KCTD16: variants seen among roughly 807,000 people sequenced by gnomAD.
KCTD16 encodes potassium channel tetramerization domain containing 16.
Under a neutral mutation model 33.2 loss-of-function variants are expected in KCTD16, and 13 were observed. The ratio of observed to expected loss-of-function variants is 0.39; its 90% confidence interval spans 0.25 to 0.62. The LOEUF is 0.62. Among genes scored for constraint, KCTD16 ranks in the 20% least tolerant of loss-of-function variants. The pLI, the probability that KCTD16 is intolerant of heterozygous loss-of-function variation, is 0.50. For synonymous variants in KCTD16, 197 were observed against 195.3 expected, an observed-to-expected ratio of 1.01 and a Z score of -0.07; for missense variants, 441 against 525.1, an observed-to-expected ratio of 0.84 and a Z score of 1.57.
chr5:144,403,428 C>T lies in KCTD16; in HGVS notation c.833-70232C>T, dbSNP rs1054091126. 4.0e-5 allele frequency among the ~76,000 whole-genome samples: 6 copies of T among 151,782 alleles called. No homozygotes were observed. The East Asian group carries it at 1.2e-3, about 29-fold the overall frequency. ...CCCTGTGAAGACACATAGACAGAAG[C>T]GACACACAGAGAGCAGCATGTGACA... On this transcript the variant is annotated intron_variant, in intron 3 of 3. Transcript: ENST00000512467.
chr5:144,455,024 T>A (rs2126987653), intron 3 of KCTD16, among the ~76,000 whole-genome samples: 1 of 152,162 alleles, frequency 6.6e-6, no homozygotes, highest in Non-Finnish European at 1.5e-5. Context: ...ATATCAGGGA[T>A]CTTAAGCTTT....
At chr5:144,190,365 A>T (rs1479575780) in intron 2 of KCTD16, among the ~76,000 whole-genome samples, 1 of 152,160 alleles carries the variant, frequency 6.6e-6, no homozygotes, top group Non-Finnish European at 1.5e-5. Context: ...TACTTGACTT[A>T]TCTGAACCTT....
intron 3 of KCTD16, among the ~76,000 whole-genome samples, chr5:144,459,584 A>G (rs1284230950): frequency 1.3e-5 from 2 of 152,040 alleles, no homozygotes; most frequent in Non-Finnish European, 2.9e-5. Flanking sequence ...TCCTGACCTC[A>G]GGTGATCTGC....
intron 3 of KCTD16, among the ~76,000 whole-genome samples, chr5:144,212,470 C>T (rs1276232339): frequency 6.6e-6 from 1 of 152,028 alleles, no homozygotes; most frequent in Non-Finnish European, 1.5e-5. Flanking sequence ...TGTTCTGATA[C>T]ATTAAAATAT....
At chr5:144,225,243 T>C (rs538122691) in intron 3 of KCTD16, among the ~76,000 whole-genome samples, 24 of 152,216 alleles carry the variant, frequency 1.6e-4, no homozygotes, top group African/African-American at 5.8e-4. Flanking sequence ...TTTTCTTCTT[T>C]TCCTCTTCAA....
chr5:144,373,897 G>A (rs1315994713), intron 3 of KCTD16, among the ~76,000 whole-genome samples: 8 of 152,304 alleles, frequency 5.3e-5, no homozygotes, highest in South Asian at 2.1e-4. Flanking sequence ...AGCCACAGGC[G>A]TCATGGCTTA....
At chr5:144,440,477 C>T (rs571134478) in intron 3 of KCTD16, among the ~76,000 whole-genome samples, 7 of 152,226 alleles carry the variant, frequency 4.6e-5, no homozygotes, top group African/African-American at 1.7e-4. Flanking sequence ...TTCACATCCT[C>T]ATTAGTACTT....
chr5:144,223,128 C>T (rs964793571), intron 3 of KCTD16, among the ~76,000 whole-genome samples: 1 of 152,108 alleles, frequency 6.6e-6, no homozygotes, highest in African/African-American at 2.4e-5. Context: ...GAACATCACA[C>T]ACCAGGGTCT....
At chr5:144,413,205 C>T (rs1419179083) in intron 3 of KCTD16, among the ~76,000 whole-genome samples, 4 of 152,144 alleles carry the variant, frequency 2.6e-5, no homozygotes, top group African/African-American at 9.7e-5. Flanking sequence ...GGGTCCTAAT[C>T]CAATATGACT....
chr5:144,452,920 A>G (rs1455147822), intron 3 of KCTD16, among the ~76,000 whole-genome samples: 2 of 152,176 alleles, frequency 1.3e-5, no homozygotes, highest in Non-Finnish European at 2.9e-5. Context: ...TTGAGAAACA[A>G]TACGGGTACC....
intron 3 of KCTD16, among the ~76,000 whole-genome samples, chr5:144,265,617 A>G (rs140456929): frequency 6.6e-6 from 1 of 152,330 alleles, no homozygotes; most frequent in African/African-American, 2.4e-5. Context: ...TGTATCTTCT[A>G]TGCCCAAAAC....
chr5:144,340,885 A>G (rs1361856824), intron 3 of KCTD16, among the ~76,000 whole-genome samples: 1 of 152,012 alleles, frequency 6.6e-6, no homozygotes, highest in Non-Finnish European at 1.5e-5. Flanking sequence ...CCCCGTCTCT[A>G]CTAAACATAC....
chr5:144,472,839 T>C (rs556943488), intron 3 of KCTD16, among the ~76,000 whole-genome samples: 2 of 152,176 alleles, frequency 1.3e-5, no homozygotes, highest in African/African-American at 4.8e-5. Context: ...TTCAGAGAAG[T>C]TATAACTTGA....
chr5:144,260,550 A>C (rs1754977692), intron 3 of KCTD16, among the ~76,000 whole-genome samples: 1 of 152,212 alleles, frequency 6.6e-6, no homozygotes, highest in African/African-American at 2.4e-5. Context: ...AGGCACAGTA[A>C]GGCAAATAAA....
At chr5:144,180,796 GA>G (rs55928719) in intron 2 of KCTD16, among the ~76,000 whole-genome samples, 1 of 151,840 alleles carries the variant, frequency 6.6e-6, no homozygotes, top group Non-Finnish European at 1.5e-5. Flanking sequence ...CTGAGAGAGA[GA>G]AAAAAAGCTG....
chr5:144,222,857 G>C (rs951562029), intron 3 of KCTD16, among the ~76,000 whole-genome samples: 1 of 152,144 alleles, frequency 6.6e-6, no homozygotes, highest in Non-Finnish European at 1.5e-5. Flanking sequence ...GTTTACTGCG[G>C]CGCTGTTCAC....
intron 3 of KCTD16, among the ~76,000 whole-genome samples, chr5:144,347,190 G>A (rs1184832013): frequency 1.3e-5 from 2 of 152,172 alleles, no homozygotes; most frequent in African/African-American, 4.8e-5. Context: ...GCTGTGGAGA[G>A]TGGATAGAAT....
intron 3 of KCTD16, among the ~76,000 whole-genome samples, chr5:144,464,915 A>C (rs1401385818): frequency 6.6e-6 from 1 of 152,186 alleles, no homozygotes; most frequent in East Asian, 1.9e-4. Flanking sequence ...TTCTTCTCCC[A>C]AAAATATATG....
chr5:144,434,410 G>C (rs143337126), intron 3 of KCTD16, among the ~76,000 whole-genome samples: 1 of 152,016 alleles, frequency 6.6e-6, no homozygotes, highest in Non-Finnish European at 1.5e-5. Flanking sequence ...ATAATATTCA[G>C]TATGAGGATC....
Sources: gnomAD v4.1 joint callset for allele counts (sites outside exome capture counted in the v4.1 genomes callset) on GRCh38, gnomAD v4.1.1 for gene constraint, MANE v1.5 for transcripts, NCBI Gene and HGNC (gene_info 2026-07-23, HGNC 2026-07-21) for gene names.